The following IGSF9B variants were observed in gnomAD, a reference collection of about 807,000 sequenced individuals.
IGSF9B encodes the protein immunoglobulin superfamily member 9B, also known as protein turtle homolog B.
Under a neutral mutation model 143.7 loss-of-function variants are expected in IGSF9B, and 48 were observed. The observed-to-expected ratio is 0.33, with a 90% confidence interval of 0.26 to 0.42. The LOEUF (loss-of-function observed/expected upper bound fraction) is 0.42, where lower values mean the gene tolerates loss of function less well. IGSF9B is among the 20% of genes least tolerant of loss of function. IGSF9B has a pLI of 1.00. For synonymous variants in IGSF9B, 903 were observed against 833.1 expected, an observed-to-expected ratio of 1.08 and a Z score of -1.44; for missense variants, 1,706 against 1,980.0, an observed-to-expected ratio of 0.86 and a Z score of 2.63.
rs752514744 is a variant in IGSF9B at position 133,935,771 on chromosome 11, C to T, written c.822-9G>A. 12 of 1,610,018 alleles carry T rather than the reference C, an allele frequency of 7.5e-6. No homozygotes were observed. Among genetic ancestry groups the T allele is most frequent in the African/African-American group, 4.0e-5 (3 of 74,926 alleles). On this transcript the variant is annotated splice_polypyrimidine_tract_variant and intron_variant, in intron 6 of 19. Coordinates refer to ENST00000533871, the MANE Select transcript of IGSF9B (RefSeq NM_001277285.4). Reference sequence around the variant, plus strand: ...CCCTCAGCTTCAGGTCGCTGCAAAGCGGCATGGGGACAGGGGGTTGGGCGA... The same window carrying T: ...CCCTCAGCTTCAGGTCGCTGCAAAGTGGCATGGGGACAGGGGGTTGGGCGA...
chr11:133,931,402 C>G lies in IGSF9B; in HGVS notation c.1368+51G>C. ...CAAACCTCCCCGCAGCCCCAGGGCT[C>G]CCTGGGCCCTCACACCTCCCTGCAG... On this transcript the variant is annotated intron_variant, in intron 10 of 19. Transcript: ENST00000533871. The surrounding 1 kb of genome is among the most constrained non-coding windows in gnomAD (Gnocchi z 7.7). The G allele has an allele frequency of 8.0e-6, 11 of 1,368,654 alleles. No homozygotes were observed. Among genetic ancestry groups the G allele is most frequent in the Non-Finnish European group, 8.2e-6 (8 of 969,708 alleles). The allele number at this position is 1,368,654 out of a possible 1,614,324, so 84.8% of individuals were successfully genotyped here.
chr11:133,925,990 C>T (rs1219708873), intron 13 of IGSF9B, 25 bp from the exon 14 acceptor site: 1 of 1,519,022 alleles, frequency 6.6e-7, no homozygotes. Context: ...GGAGAAGAAC[C>T]ACAGCGCATC....
At chr11:133,937,618 G>T in intron 4 of IGSF9B, 125 bp from the exon 5 acceptor site, 1 of 980,576 alleles carries the variant, frequency 1.0e-6, no homozygotes, top group Non-Finnish European at 1.5e-6. Context: ...GCATCTGGGG[G>T]ACACGAAGGG....
At chr11:133,916,569 A>T (rs1202463565) in intron 18 of IGSF9B, among the ~76,000 whole-genome samples, 1 of 152,126 alleles carries the variant, frequency 6.6e-6, no homozygotes, top group Non-Finnish European at 1.5e-5. Context: ...TAGGCTGGGG[A>T]TGCTGGCCAG....
At chr11:133,919,593 G>C in intron 18 of IGSF9B, 149 bp downstream of exon 18, 1 of 527,688 alleles carries the variant, frequency 1.9e-6, no homozygotes, top group Non-Finnish European at 3.1e-6. Flanking sequence ...CCAAACCGCG[G>C]CGGCCAGAAC....
Position 133,903,080 on chromosome 11 carries a change from C to G in IGSF9B, c.*5989G>C, listed in dbSNP as rs879785132. On this transcript the variant is annotated 3_prime_UTR_variant, in exon 20 of 20. Transcript: ENST00000533871. ...CCATCGTAAACCACGCACATGTTCA[C>G]GATCCCTGGAGCCATACAGAAGTGG... 1.3e-5 allele frequency among the ~76,000 whole-genome samples: 2 copies of G among 151,740 alleles called. No individual in the cohort carries two copies. Among genetic ancestry groups the G allele is most frequent in the African/African-American group, 2.4e-5 (1 of 41,276 alleles).
chr11:133,921,978 C>T (rs1939548110), intron 17 of IGSF9B, among the ~76,000 whole-genome samples, 199 bp downstream of exon 17: 1 of 152,118 alleles, frequency 6.6e-6, no homozygotes, highest in South Asian at 2.1e-4. Flanking sequence ...GCGTGGACAA[C>T]TTACAATTAA....
At position 133,920,772 on chromosome 11, in the gene IGSF9B, C is replaced by A. The variant is rs374101848; in HGVS notation, c.2953G>T (p.Val985Leu). The change falls in exon 18 of 20, where the codon GTG (valine) becomes TTG (leucine). Residue 985 changes from valine to leucine, a missense_variant. Val to Leu is a conservative substitution (Grantham distance 32). Around this residue, in one of 7 missense-constraint regions of IGSF9B, gnomAD observed 880 missense variants for 762.9 expected, o/e 1.15. Coordinates refer to ENST00000533871, the MANE Select transcript of IGSF9B (RefSeq NM_001277285.4). The stretch of plus-strand genomic sequence containing the variant: ...CTCAGGGGGCTGCCCACTTCTGGCA[C>A]GTAGAACGGGGGCGGCTCCACCTCC... The part of the protein sequence containing the change: ...PGEVEPPPFY[V>L]PEVGSPLSSV... 2.2e-5 allele frequency: 36 copies of A among 1,611,592 alleles called. No homozygotes were observed. In the South Asian group the frequency reaches 3.4e-4, roughly 15 times the overall value.
In IGSF9B at chr11:133,922,128, C is replaced by T. The variant is rs770407062; in HGVS notation, c.2327+49G>A. The T allele has an allele frequency of 4.9e-5, 76 of 1,546,210 alleles. 1 individual carries two copies. The highest frequency in any genetic ancestry group is 1.6e-4 in the South Asian group (14 of 88,242). On this transcript the variant is annotated intron_variant, in intron 17 of 19. Coordinates refer to ENST00000533871, the MANE Select transcript of IGSF9B (RefSeq NM_001277285.4). Reference sequence around the variant, plus strand: ...GGGTAAGGCGAGCGGTCTACCTATGCGCCCCCTGCCATGAACAGCACAATT... The same window carrying T: ...GGGTAAGGCGAGCGGTCTACCTATGTGCCCCCTGCCATGAACAGCACAATT...
intron 5 of IGSF9B, among the ~76,000 whole-genome samples, chr11:133,936,917 G>C (rs1160687659): frequency 2.0e-5 from 3 of 152,210 alleles, no homozygotes; most frequent in Non-Finnish European, 4.4e-5. Flanking sequence ...GGGCAGTCTG[G>C]CATCTCCCTG....
Position 133,920,390 on chromosome 11 carries a change from G to C in IGSF9B, c.3335C>G (p.Pro1112Arg), listed in dbSNP as rs1162927815. 1 of 1,601,038 alleles carries C rather than the reference G, an allele frequency of 6.2e-7. No homozygotes were observed. Among genetic ancestry groups the C allele is most frequent in the Non-Finnish European group, 8.5e-7 (1 of 1,174,640 alleles). The change falls in exon 18 of 20, where the codon CCT becomes CGT. Residue 1112 changes from proline to arginine, a missense_variant. Physicochemically the swap from Pro to Arg is moderately radical, Grantham distance 103 (BLOSUM62 -2). Around this residue, in one of 7 missense-constraint regions of IGSF9B, gnomAD observed 880 missense variants for 762.9 expected, o/e 1.15. Transcript: ENST00000533871. ...GWAGKSPGRG[P>R]VPAPPAAKWQ... ...CTTGGCGGCGGGGGGCGCTGGGACA[G>C]GGCCCCTGCCGGGCGACTTGCCTGC...
intron 18 of IGSF9B, among the ~76,000 whole-genome samples, chr11:133,916,104 C>T (rs1939375888): frequency 1.3e-5 from 2 of 152,166 alleles, no homozygotes; most frequent in Non-Finnish European, 2.9e-5. Flanking sequence ...CCTGCGGTGA[C>T]AGTCAGCCTG....
Position 133,931,232 on chromosome 11 carries a change from C to T in IGSF9B, c.1369-98G>A, listed in dbSNP as rs1227410825. 2.1e-5 allele frequency: 27 copies of T among 1,261,612 alleles called. No homozygotes were observed. The East Asian group carries it at 4.0e-4, about 19-fold the overall frequency. The allele number at this position is 1,261,612 out of a possible 1,614,324, so 78.2% of individuals were successfully genotyped here. A position where few individuals can be genotyped will look rare whatever the true frequency, so the allele number is the denominator to read the frequency against. ...GGAGGACGCGCCTGAGACCCCGGCC[C>T]GCCCACGCTGCCCTCCTCCCGAGTG... is the stretch of plus-strand genomic sequence containing the variant. On this transcript the variant is annotated intron_variant, in intron 10 of 19. Coordinates refer to ENST00000533871, the MANE Select transcript of IGSF9B (RefSeq NM_001277285.4). The surrounding 1 kb of genome is among the most constrained non-coding windows in gnomAD (Gnocchi z 7.7).
intron 18 of IGSF9B, among the ~76,000 whole-genome samples, chr11:133,918,195 GGCCCGGCCGAAGCCCCGTCCGCCT>G (rs1939429430): frequency 1.3e-5 from 2 of 152,088 alleles, no homozygotes; most frequent in Non-Finnish European, 2.9e-5. Flanking sequence ...AGGAAGCAAT[GGCCCGGCCGAAGCCCCGTCCGCCT>G]GCCCGCCCCC....
Position 133,911,898 on chromosome 11 carries a change from T to C in IGSF9B, c.4093A>G (p.Lys1365Glu). 6.5e-7 allele frequency: 1 copy of C among 1,530,306 alleles called. No homozygotes were observed. Among genetic ancestry groups the C allele is most frequent in the Non-Finnish European group, 8.7e-7 (1 of 1,145,106 alleles). 94.8% of individuals were successfully genotyped at this position (1,530,306 alleles called of 1,614,324 possible). ...KKSSKGSSKS[K>E]KRSDDSASQT... ...GCCCATCATTTACCGGATCGTTTCT[T>C]TGACTTCGAAGAGCCCTTGGATGAC... The change falls in exon 19 of 20, where the codon AAG (lysine) becomes GAG (glutamate). Residue 1365 changes from lysine to glutamate, a missense_variant. Physicochemically the swap from Lys to Glu is moderately conservative, Grantham distance 56 (BLOSUM62 1). Around this residue, in one of 7 missense-constraint regions of IGSF9B, gnomAD observed 880 missense variants for 762.9 expected, o/e 1.15. Transcript: ENST00000533871.
rs1591704308 is a variant in IGSF9B at position 133,902,999 on chromosome 11, A to G, written c.*6070T>C. 6.6e-6 allele frequency among the ~76,000 whole-genome samples: 1 copy of G among 151,100 alleles called. No homozygotes were observed. Among genetic ancestry groups the G allele is most frequent in the East Asian group, 1.9e-4 (1 of 5,136 alleles). ...ATTTCTAAGGCCGAAAATGCAAGTC[A>G]CCTCCCCAGCCCAACCCCCTGCCCT... On this transcript the variant is annotated 3_prime_UTR_variant, in exon 20 of 20. Coordinates refer to ENST00000533871, the MANE Select transcript of IGSF9B (RefSeq NM_001277285.4).
chr11:133,901,955 CA>C lies in IGSF9B; in HGVS notation c.*7113del, dbSNP rs1565409617. ...ACACAACACACACACACATCACACACATGCACACCGCATCACACACATGCAC... is the reference window on the plus strand; with the variant it reads ...ACACAACACACACACACATCACACACTGCACACCGCATCACACACATGCAC... On this transcript the variant is annotated 3_prime_UTR_variant, in exon 20 of 20. Coordinates refer to ENST00000533871, the MANE Select transcript of IGSF9B (RefSeq NM_001277285.4). 8.2e-6 allele frequency among the ~76,000 whole-genome samples: 1 copy of C among 121,510 alleles called. No homozygotes were observed. 79.7% of individuals were successfully genotyped at this position (121,510 alleles called of 152,430 possible).
chr11:133,914,815 T>C (rs774053243), intron 18 of IGSF9B, among the ~76,000 whole-genome samples: 4 of 152,220 alleles, frequency 2.6e-5, no homozygotes, highest in Admixed American at 6.5e-5. Context: ...GAATGTGACC[T>C]AACAGACTTT....
In IGSF9B at chr11:133,931,091, C is replaced by T; in HGVS notation, c.1412G>A (p.Gly471Glu). Residue 471 changes from glycine (G) to glutamate (E), a missense_variant, in exon 11 of 20, where the codon GGG (glycine) becomes GAG (glutamate). Physicochemically the swap from Gly to Glu is moderately conservative, Grantham distance 98. Coordinates refer to ENST00000533871, the MANE Select transcript of IGSF9B (RefSeq NM_001277285.4). The surrounding 1 kb of genome is among the most constrained non-coding windows in gnomAD (Gnocchi z 7.7). ...ACTCAGGGCACGGAACTGCAGGCTC[C>T]CACTGGGCAGGGCACTGTGCTTGCT... Reference protein sequence around the residue: ...SRSKHSALPSGSLQFRALSKE... With the variant: ...SRSKHSALPSESLQFRALSKE... 6.2e-7 allele frequency: 1 copy of T among 1,613,754 alleles called. No individual in the cohort carries two copies. Among genetic ancestry groups the T allele is most frequent in the Non-Finnish European group, 8.5e-7 (1 of 1,179,772 alleles).
Sources: gnomAD v4.1 joint callset for allele counts (sites outside exome capture counted in the v4.1 genomes callset) on GRCh38, gnomAD v4.1.1 for gene constraint, gnomAD v4.1.1 regional missense constraint, Gnocchi (gnomAD v3.1) non-coding constraint, MANE v1.5 for transcripts, NCBI Gene and HGNC (gene_info 2026-07-23, HGNC 2026-07-21) for gene names.